CAMK1D: variants seen among roughly 807,000 people sequenced by gnomAD.
The protein encoded by CAMK1D is calcium/calmodulin-dependent protein kinase type 1D.
Under a neutral mutation model 47.7 loss-of-function variants are expected in CAMK1D, and 9 were observed. That is an observed-to-expected ratio of 0.19 (90% confidence interval 0.11 to 0.33). The LOEUF (loss-of-function observed/expected upper bound fraction) is 0.33. Ranked by LOEUF, CAMK1D falls within the 10% of genes least tolerant of loss-of-function variation. The probability of loss-of-function intolerance (pLI) is 1.00; values close to 1 mark genes in which losing one functional copy is unlikely to be tolerated. For missense variants in CAMK1D, 291 were observed against 488.7 expected, an observed-to-expected ratio of 0.60 and a Z score of 3.81; for synonymous variants, 184 against 184.9, an observed-to-expected ratio of 0.99 and a Z score of 0.04.
At chr10:12,540,688 G>A (rs543087073) in intron 1 of CAMK1D, among the ~76,000 whole-genome samples, 11 of 152,316 alleles carry the variant, frequency 7.2e-5, no homozygotes, top group Non-Finnish European at 1.2e-4. Flanking sequence ...TAAGCTAATC[G>A]TGTGGGTATT....
chr10:12,702,017 A>C (rs183842513), intron 3 of CAMK1D, among the ~76,000 whole-genome samples: 20 of 152,362 alleles, frequency 1.3e-4, no homozygotes, highest in African/African-American at 4.8e-4. Context: ...GAAGCAATGT[A>C]CATCACTTCT....
At chr10:12,732,670 GCCCC>G (rs367919756) in intron 3 of CAMK1D, among the ~76,000 whole-genome samples, 1 of 71,712 alleles carries the variant, frequency 1.4e-5, no homozygotes, top group Non-Finnish European at 3.1e-5. Context: ...AATTACCCCC[GCCCC>G]CCCCGCCCCC....
chr10:12,661,372 G>C (rs1366124598), intron 2 of CAMK1D, among the ~76,000 whole-genome samples: 1 of 152,206 alleles, frequency 6.6e-6, no homozygotes, highest in Non-Finnish European at 1.5e-5. Context: ...AATAGACATA[G>C]ATTGAATCTC....
chr10:12,764,558 C>T (rs1224269387), intron 4 of CAMK1D, among the ~76,000 whole-genome samples: 1 of 152,056 alleles, frequency 6.6e-6, no homozygotes, highest in Non-Finnish European at 1.5e-5. Context: ...CCTTGTTTAG[C>T]AGTGTGAAAT....
chr10:12,710,903 T>C (rs1833913763), intron 3 of CAMK1D, among the ~76,000 whole-genome samples: 1 of 152,242 alleles, frequency 6.6e-6, no homozygotes, highest in South Asian at 2.1e-4. Context: ...TGACATTTGA[T>C]CAATCACTAT....
intron 3 of CAMK1D, among the ~76,000 whole-genome samples, chr10:12,715,058 A>C (rs974742026): frequency 3.9e-5 from 6 of 152,116 alleles, no homozygotes; most frequent in Admixed American, 2.6e-4. Flanking sequence ...TATTCCTTCT[A>C]TCGAACTGTA....
At chr10:12,541,994 C>G (rs1237185889) in intron 1 of CAMK1D, among the ~76,000 whole-genome samples, 2 of 151,936 alleles carry the variant, frequency 1.3e-5, no homozygotes. Context: ...CCCACCTCAG[C>G]TTCGTGAGTA....
chr10:12,677,823 G>A (rs1840862362), intron 3 of CAMK1D, among the ~76,000 whole-genome samples: 1 of 151,742 alleles, frequency 6.6e-6, no homozygotes, highest in Admixed American at 6.6e-5. Context: ...TCCTGTAGGA[G>A]TTCAGTCTGG....
intron 3 of CAMK1D, 89 bp downstream of exon 3, chr10:12,666,899 T>C (rs1840449532): frequency 9.1e-7 from 1 of 1,099,310 alleles, no homozygotes; most frequent in Admixed American, 1.8e-5. Context: ...GTGATTGAAG[T>C]GGGCCAGGTA....
intron 1 of CAMK1D, among the ~76,000 whole-genome samples, chr10:12,427,136 C>T (rs909176898): frequency 6.6e-6 from 1 of 152,196 alleles, no homozygotes; most frequent in African/African-American, 2.4e-5. Flanking sequence ...GTAGATGTTT[C>T]TCAGGACAAC....
intron 1 of CAMK1D, among the ~76,000 whole-genome samples, chr10:12,470,149 A>G (rs887055530): frequency 3.3e-5 from 5 of 152,216 alleles, no homozygotes; most frequent in Admixed American, 6.5e-5. Context: ...TGAGGTCTGC[A>G]TTTACCTCCT....
In CAMK1D at chr10:12,835,410, A is replaced by G. The variant is rs762786665; in HGVS notation, c.*6523A>G. 2.0e-5 allele frequency: 3 copies of G among 152,262 alleles called. No homozygotes were observed. Among genetic ancestry groups the G allele is most frequent in the Admixed American group, 6.5e-5 (1 of 15,286 alleles). 9.4% of individuals were successfully genotyped at this position (152,262 alleles called of 1,614,324 possible). On this transcript the variant is annotated 3_prime_UTR_variant, in exon 11 of 11. Coordinates refer to ENST00000619168, the MANE Select transcript of CAMK1D (RefSeq NM_153498.4). ...AACCCACATAGGTTTGCGGCACTGC[A>G]AAATTGTTCATGGGTCTATGTAGCA...
At chr10:12,591,392 G>A (rs1285866865) in intron 2 of CAMK1D, among the ~76,000 whole-genome samples, 1 of 152,174 alleles carries the variant, frequency 6.6e-6, no homozygotes, top group Non-Finnish European at 1.5e-5. Flanking sequence ...TCACCCGGAT[G>A]GGCTGCTTTT....
intron 1 of CAMK1D, among the ~76,000 whole-genome samples, chr10:12,379,357 A>G (rs1838276729): frequency 6.6e-6 from 1 of 152,196 alleles, no homozygotes. Context: ...ATAATTGTTT[A>G]TATTATTTAG....
chr10:12,370,327 T>C (rs1371330613), intron 1 of CAMK1D, among the ~76,000 whole-genome samples: 2 of 150,014 alleles, frequency 1.3e-5, no homozygotes, highest in Non-Finnish European at 3.0e-5. Flanking sequence ...TTGATAGTGA[T>C]AATAAACAAT....
intron 1 of CAMK1D, among the ~76,000 whole-genome samples, chr10:12,394,004 G>C (rs552451510): frequency 1.3e-5 from 2 of 152,162 alleles, no homozygotes; most frequent in African/African-American, 4.8e-5. Flanking sequence ...GACCGCTCCC[G>C]ACACCCCCTC....
chr10:12,510,400 A>G (rs1480358430), intron 1 of CAMK1D, among the ~76,000 whole-genome samples: 3 of 148,680 alleles, frequency 2.0e-5, no homozygotes, highest in African/African-American at 7.5e-5. Flanking sequence ...TGGGTGACAG[A>G]GCAAGACTCC....
chr10:12,769,935 G>A, intron 5 of CAMK1D, 136 bp downstream of exon 5: 4 of 903,576 alleles, frequency 4.4e-6, no homozygotes, highest in Non-Finnish European at 6.8e-6. Flanking sequence ...CACTTCCCCT[G>A]GGGGAAAGAA....
chr10:12,578,171 C>T (rs1429658226), intron 2 of CAMK1D, among the ~76,000 whole-genome samples: 2 of 152,048 alleles, frequency 1.3e-5, no homozygotes, highest in African/African-American at 2.4e-5. Context: ...ACCTCCCGGG[C>T]CCAAGCGATC....
Sources: gnomAD v4.1 joint callset for allele counts (sites outside exome capture counted in the v4.1 genomes callset) on GRCh38, gnomAD v4.1.1 for gene constraint, MANE v1.5 for transcripts, NCBI Gene and HGNC (gene_info 2026-07-23, HGNC 2026-07-21) for gene names.